Variants in IFI44 observed in about 807,000 individuals in gnomAD.
IFI44 encodes the protein interferon-induced protein 44.
A neutral mutation model predicts 45.0 loss-of-function variants in IFI44; 42 were observed. The ratio of observed to expected loss-of-function variants is 0.93; its 90% CI spans 0.73 to 1.21. The LOEUF is 1.21. Ranked by LOEUF, IFI44 falls within the 50% of genes most tolerant of loss-of-function variation. The pLI is 0.00. For missense variants in IFI44, 623 were observed against 525.8 expected (o/e 1.18, Z -1.81); for synonymous variants, 221 against 188.6 (o/e 1.17, Z -1.41).
chr1:78,651,671 T>C (rs2100431623), intron 2 of IFI44, among the ~76,000 whole-genome samples: 1 of 152,298 alleles, frequency 6.6e-6, no homozygotes, highest in East Asian at 1.9e-4. Flanking sequence ...AGTAAAACTT[T>C]ATGCCCTTTG....
rs1283125398 is a variant in IFI44 at position 78,660,626 on chromosome 1, T to A, written c.1085T>A (p.Ile362Lys). ...DLITKGDLIEIERCEPVRSKL... is the reference protein window; with the variant it reads ...DLITKGDLIEKERCEPVRSKL... ...ATTACAAAAGGTGACCTTATAGAAA[T>A]AGAGAGATGTGAGCCTGTGAGGTCC... Residue 362 changes from isoleucine to lysine, a missense_variant, in exon 7 of 9, where the codon ATA (isoleucine) becomes AAA (lysine). Transcript: ENST00000370747. 6.2e-7 allele frequency: 1 copy of A among 1,613,252 alleles called. No homozygotes were observed. The highest frequency in any genetic ancestry group is 1.1e-5 in the South Asian group (1 of 91,072).
intron 7 of IFI44, among the ~76,000 whole-genome samples, chr1:78,661,672 G>A (rs1400420518): frequency 6.6e-6 from 1 of 152,104 alleles, no homozygotes; most frequent in African/African-American, 2.4e-5. Context: ...ATGTACGATT[G>A]AGTGTGATAA....
At chr1:78,663,556 T>G in intron 8 of IFI44, 1 of 985,276 alleles carries the variant, frequency 1.0e-6, no homozygotes, top group Non-Finnish European at 1.2e-6. Context: ...TCCAATTCTC[T>G]CTTACTCAAA....
intron 2 of IFI44, among the ~76,000 whole-genome samples, chr1:78,651,085 G>C (rs545371952): frequency 6.6e-6 from 1 of 152,328 alleles, no homozygotes; most frequent in South Asian, 2.1e-4. Context: ...TGTACCAGCA[G>C]TGGTCACCAA....
At chr1:78,658,168 C>T (rs909514242) in intron 5 of IFI44, among the ~76,000 whole-genome samples, 6 of 152,142 alleles carry the variant, frequency 3.9e-5, no homozygotes, top group East Asian at 3.9e-4. Context: ...TTCTATCACT[C>T]GTATATCTGC....
At position 78,650,536 on chromosome 1, in the gene IFI44, T is replaced by C; in HGVS notation, c.341T>C (p.Phe114Ser). 6.2e-7 allele frequency: 1 copy of C among 1,613,552 alleles called. No individual in the cohort carries two copies. The highest frequency in any genetic ancestry group is 1.1e-5 in the South Asian group (1 of 91,072). ...ACAAAATATAACTCCCCAACTAATT[T>C]CCAGATAGATGGAAGAAATAGAAAA... The part of the protein sequence containing the change: ...DVTKYNSPTN[F>S]QIDGRNRKVI... Residue 114 changes from phenylalanine (F) to serine (S), a missense_variant, in exon 2 of 9, where the codon TTC becomes TCC. By Grantham distance (155) the Phe-to-Ser change is radical. Coordinates refer to ENST00000370747, the MANE Select transcript of IFI44 (RefSeq NM_006417.5).
chr1:78,663,093 C>A (rs994507407), intron 8 of IFI44: 2 of 985,128 alleles, frequency 2.0e-6, no homozygotes, highest in African/African-American at 3.5e-5. Flanking sequence ...CTATGTTTTT[C>A]CCTTTTTGTC....
chr1:78,651,990 A>G (rs1427899930), intron 2 of IFI44, among the ~76,000 whole-genome samples: 1 of 152,144 alleles, frequency 6.6e-6, no homozygotes, highest in African/African-American at 2.4e-5. Context: ...CAGGGGTTTT[A>G]AGTGAAGTTT....
At chr1:78,658,610 G>T (rs1219104760) in intron 5 of IFI44, among the ~76,000 whole-genome samples, 3 of 152,090 alleles carry the variant, frequency 2.0e-5, no homozygotes, top group African/African-American at 7.2e-5. Flanking sequence ...TATAGTCAAA[G>T]AATCTATCTT....
At chr1:78,657,497 C>T (rs1045182507) in intron 5 of IFI44, among the ~76,000 whole-genome samples, 10 of 152,092 alleles carry the variant, frequency 6.6e-5, no homozygotes, top group African/African-American at 2.4e-4. Context: ...TGAAACCATG[C>T]ACAATATGGG....
At chr1:78,654,639 T>C (rs1317117439) in intron 3 of IFI44, among the ~76,000 whole-genome samples, 2 of 151,834 alleles carry the variant, frequency 1.3e-5, no homozygotes, top group South Asian at 4.2e-4. Flanking sequence ...ATGTTAGAAA[T>C]TGTCTACTTT....
At chr1:78,661,995 T>G (rs1045215367) in intron 7 of IFI44, among the ~76,000 whole-genome samples, 1 of 152,166 alleles carries the variant, frequency 6.6e-6, no homozygotes, top group Non-Finnish European at 1.5e-5. Flanking sequence ...AGGAGCATTA[T>G]GAGGAATCAC....
chr1:78,650,710 A>G, intron 2 of IFI44, 58 bp downstream of exon 2: 1 of 1,145,708 alleles, frequency 8.7e-7, no homozygotes, highest in Non-Finnish European at 1.2e-6. Context: ...GGTAGGTTTG[A>G]ACCAATTCAT....
At position 78,660,562 on chromosome 1, in the gene IFI44, C is replaced by G. The variant is rs1387165110; in HGVS notation, c.1021C>G (p.His341Asp). 2 of 1,611,762 alleles carry G rather than the reference C, an allele frequency of 1.2e-6. No individual in the cohort carries two copies. The highest frequency in any genetic ancestry group is 1.7e-6 in the Non-Finnish European group (2 of 1,178,114). ...AATTCTGTTTGGCATAGGTGTGGTACATGTGGCTTTGCTCACTCATGTGGA... is the reference window on the plus strand; with the variant it reads ...AATTCTGTTTGGCATAGGTGTGGTAGATGTGGCTTTGCTCACTCATGTGGA... ...RRELVNAGVV[H>D]VALLTHVDSM... Residue 341 changes from histidine (H) to aspartate (D), a missense_variant, in exon 7 of 9, where the codon CAT becomes GAT. Coordinates refer to ENST00000370747, the MANE Select transcript of IFI44 (RefSeq NM_006417.5).
rs769504932 is a variant in IFI44 at position 78,662,765 on chromosome 1, A to G, written c.1175A>G (p.Tyr392Cys). The G allele has an allele frequency of 4.4e-6, 7 of 1,598,622 alleles. No homozygotes were observed. In the Admixed American group the frequency reaches 1.2e-4, roughly 27 times the overall value. The change falls in exon 8 of 9, where the codon TAT becomes TGT. Residue 392 changes from tyrosine (Y) to cysteine (C), a missense_variant. Tyr to Cys is a radical substitution (Grantham distance 194, BLOSUM62 -2). Transcript: ENST00000370747. ...ALSDISVVSNYSSEWELDPVK... is the reference protein window; with the variant it reads ...ALSDISVVSNCSSEWELDPVK... Reference sequence around the variant, plus strand: ...TCTGACATCTCGGTGGTTAGCAATTATTCCTCTGAGTGGGAGCTGGACCCT... The same window carrying G: ...TCTGACATCTCGGTGGTTAGCAATTGTTCCTCTGAGTGGGAGCTGGACCCT...
chr1:78,661,862 TA>T (rs936298736), intron 7 of IFI44, among the ~76,000 whole-genome samples: 1 of 152,024 alleles, frequency 6.6e-6, no homozygotes, highest in African/African-American at 2.4e-5. Context: ...TAAGACAATA[TA>T]TTAATGGAGG....
chr1:78,650,548 G>A lies in IFI44; in HGVS notation c.353G>A (p.Gly118Glu). The change falls in exon 2 of 9, where the codon GGA becomes GAA. Residue 118 changes from glycine to glutamate, a missense_variant. Physicochemically the swap from Gly to Glu is moderately conservative, Grantham distance 98. Transcript: ENST00000370747. Reference protein sequence around the residue: ...YNSPTNFQIDGRNRKVIMDLK... With the variant: ...YNSPTNFQIDERNRKVIMDLK... ...TCCCCAACTAATTTCCAGATAGATG[G>A]AAGAAATAGAAAAGTGATTATGGAC... The A allele has an allele frequency of 6.2e-7, 1 of 1,613,616 alleles. No homozygotes were observed. Among genetic ancestry groups the A allele is most frequent in the South Asian group, 1.1e-5 (1 of 91,044 alleles).
chr1:78,655,313 A>G (rs1361814618), intron 4 of IFI44, 49 bp from the exon 5 acceptor site: 2 of 1,561,598 alleles, frequency 1.3e-6, no homozygotes, highest in East Asian at 4.5e-5. Flanking sequence ...CTTCATCTCA[A>G]TTTATAATAA....
intron 3 of IFI44, 88 bp downstream of exon 3, chr1:78,654,367 A>T (rs1239695902): frequency 2.9e-6 from 2 of 695,572 alleles, no homozygotes; most frequent in African/African-American, 3.7e-5. Context: ...TTGGCAACAC[A>T]TATTATCACA....
Sources: gnomAD v4.1 joint callset for allele counts (sites outside exome capture counted in the v4.1 genomes callset) on GRCh38, gnomAD v4.1.1 for gene constraint, MANE v1.5 for transcripts, NCBI Gene and HGNC (gene_info 2026-07-23, HGNC 2026-07-21) for gene names.